The following GPM6A variants were observed in gnomAD, a reference collection of about 807,000 sequenced individuals.
GPM6A encodes the protein glycoprotein M6A, also known as neuronal membrane glycoprotein M6-a.
In GPM6A, 7 loss-of-function variants were observed where a neutral mutation model predicts 32.1. The observed-to-expected ratio is 0.22, with a 90% CI of 0.12 to 0.41. The LOEUF is 0.41. Ranked by LOEUF, GPM6A falls within the 10% of genes least tolerant of loss-of-function variation. GPM6A has a pLI of 1.00. For missense variants in GPM6A, 235 were observed against 347.2 expected (o/e 0.68, Z 2.57); for synonymous variants, 130 against 123.4 (o/e 1.05, Z -0.35).
intron 1 of GPM6A, among the ~76,000 whole-genome samples, chr4:175,716,733 C>T (rs1262172264): frequency 6.6e-6 from 1 of 151,922 alleles, no homozygotes; most frequent in East Asian, 1.9e-4. Flanking sequence ...AAGACATTGC[C>T]AATAAATGTA....
chr4:175,700,659 G>A (rs1475134702), intron 2 of GPM6A, among the ~76,000 whole-genome samples: 2 of 152,118 alleles, frequency 1.3e-5, no homozygotes, highest in African/African-American at 4.8e-5. Context: ...AAAGGAACAT[G>A]AAGAAGATTA....
At chr4:175,646,591 C>T (rs1741476795) in intron 4 of GPM6A, among the ~76,000 whole-genome samples, 1 of 152,196 alleles carries the variant, frequency 6.6e-6, no homozygotes. Flanking sequence ...GCAGTACTAG[C>T]ACATGACACA....
chr4:175,816,855 T>C (rs1735115227), upstream of GPM6A, among the ~76,000 whole-genome samples: 1 of 114,186 alleles, frequency 8.8e-6, no homozygotes, highest in African/African-American at 3.5e-5. Flanking sequence ...TTTCTTTTCT[T>C]TTTTTTATTT....
chr4:175,669,896 G>A (rs1048550507), intron 3 of GPM6A, among the ~76,000 whole-genome samples: 1 of 152,136 alleles, frequency 6.6e-6, no homozygotes, highest in Non-Finnish European at 1.5e-5. Flanking sequence ...TGAATGTGAA[G>A]GCAGTGATGG....
chr4:175,917,392 G>C (rs1738526984), intron 1 of GPM6A, among the ~76,000 whole-genome samples: 1 of 152,110 alleles, frequency 6.6e-6, no homozygotes, highest in Non-Finnish European at 1.5e-5. Context: ...TACAGATGCT[G>C]CTGCTGATTT....
chr4:175,840,855 A>G (rs1303304614), intron 1 of GPM6A, among the ~76,000 whole-genome samples: 1 of 152,200 alleles, frequency 6.6e-6, no homozygotes, highest in Non-Finnish European at 1.5e-5. Flanking sequence ...GAAAATAGTG[A>G]AAGACAATAA....
intron 1 of GPM6A, among the ~76,000 whole-genome samples, chr4:175,958,607 C>T (rs750431838): frequency 1.3e-5 from 2 of 152,202 alleles, no homozygotes; most frequent in Non-Finnish European, 2.9e-5. Context: ...TTCCTCAGAT[C>T]TCTAGAGGTC....
upstream of GPM6A, among the ~76,000 whole-genome samples, chr4:175,813,937 T>C (rs948004175): frequency 5.3e-5 from 8 of 152,212 alleles, no homozygotes; most frequent in Non-Finnish European, 8.8e-5. Context: ...TATCAATGTG[T>C]ATTCAAGGGT....
At chr4:175,968,896 A>G (rs1376377639) in intron 1 of GPM6A, among the ~76,000 whole-genome samples, 1 of 152,234 alleles carries the variant, frequency 6.6e-6, no homozygotes, top group Non-Finnish European at 1.5e-5. Flanking sequence ...AACTAAAAAT[A>G]CATTTGGCAT....
At chr4:175,667,739 T>A (rs1461924547) in intron 3 of GPM6A, among the ~76,000 whole-genome samples, 1 of 152,174 alleles carries the variant, frequency 6.6e-6, no homozygotes, top group Admixed American at 6.5e-5. Flanking sequence ...ACTTTAGGAT[T>A]ATAAAAATGT....
At chr4:175,814,928 C>T (rs1229256043), upstream of GPM6A, among the ~76,000 whole-genome samples, 1 of 152,202 alleles carries the variant, frequency 6.6e-6, no homozygotes, top group Non-Finnish European at 1.5e-5. Flanking sequence ...TTTTTCATCT[C>T]CACAAACTGA....
At chr4:176,002,267 C>T in intron 1 of GPM6A, 1 of 1,591,956 alleles carries the variant, frequency 6.3e-7, no homozygotes, top group Non-Finnish European at 8.6e-7. Context: ...TTCCCGAGGC[C>T]GAGCCTTTGG....
chr4:175,949,512 T>A (rs1739731527), intron 1 of GPM6A, among the ~76,000 whole-genome samples: 1 of 152,340 alleles, frequency 6.6e-6, no homozygotes, highest in South Asian at 2.1e-4. Flanking sequence ...AAATCATCAT[T>A]AACTGTGTTT....
chr4:175,873,144 G>A (rs1736963717), intron 1 of GPM6A, among the ~76,000 whole-genome samples: 2 of 151,848 alleles, frequency 1.3e-5, no homozygotes, highest in South Asian at 4.2e-4. Context: ...GAAGGACAAT[G>A]TGTGTTTTTT....
chr4:175,689,743 C>T lies in GPM6A; in HGVS notation c.230+11832G>A, dbSNP rs1007926617. Among the ~76,000 whole-genome samples, 8 of 152,316 alleles carry T rather than the reference C, an allele frequency of 5.3e-5. No individual in the cohort carries two copies. The East Asian group carries it at 1.5e-3, about 29-fold the overall frequency. On this transcript the variant is annotated intron_variant, in intron 2 of 6. Coordinates refer to ENST00000393658, the MANE Select transcript of GPM6A (RefSeq NM_201591.3). Reference sequence around the variant, plus strand: ...TGATTGTGTCACTGTTAATTTCTCCCTTCGGGTCTGTCAGTGTTTGCAGAA... The same window carrying T: ...TGATTGTGTCACTGTTAATTTCTCCTTTCGGGTCTGTCAGTGTTTGCAGAA...
intron 1 of GPM6A, among the ~76,000 whole-genome samples, chr4:175,858,935 C>T (rs943682094): frequency 2.0e-5 from 3 of 152,086 alleles, no homozygotes; most frequent in Non-Finnish European, 2.9e-5. Context: ...TATGATGACT[C>T]TTAAAATAAT....
At chr4:175,777,396 AG>A (rs1400524378) in intron 1 of GPM6A, among the ~76,000 whole-genome samples, 2 of 152,120 alleles carry the variant, frequency 1.3e-5, no homozygotes, top group Non-Finnish European at 2.9e-5. Flanking sequence ...TACATATCTT[AG>A]TCCTTATCCT....
At chr4:175,941,811 T>A (rs759928350) in intron 1 of GPM6A, among the ~76,000 whole-genome samples, 13 of 152,196 alleles carry the variant, frequency 8.5e-5, no homozygotes, top group Non-Finnish European at 1.2e-4. Context: ...TGGTTCCAAG[T>A]CTTTGCTATT....
At chr4:175,730,842 G>A (rs7655417) in intron 1 of GPM6A, among the ~76,000 whole-genome samples, 12,759 of 152,002 alleles carry the variant, frequency 0.084, 823 homozygotes, top group East Asian at 0.29. Context: ...ACATGATTCA[G>A]TTCTCATCTA....
Sources: allele counts gnomAD v4.1 joint callset (sites outside exome capture counted in the v4.1 genomes callset), GRCh38; gene constraint gnomAD v4.1.1; transcripts MANE v1.5; gene names NCBI Gene and HGNC (gene_info 2026-07-23, HGNC 2026-07-21).